The following NTNG1 variants were observed in gnomAD, a reference collection of about 807,000 sequenced individuals.
The protein encoded by NTNG1 is netrin G1.
Under a neutral mutation model 54.0 loss-of-function variants are expected in NTNG1, and 16 were observed. That is an observed-to-expected ratio of 0.30 (90% CI 0.20 to 0.45). The LOEUF is 0.45. Among genes scored for constraint, NTNG1 ranks in the 20% least tolerant of loss-of-function variants. The probability of loss-of-function intolerance (pLI) is 1.00; values close to 1 mark genes in which losing one functional copy is unlikely to be tolerated. For missense variants in NTNG1, 530 were observed against 678.7 expected, an observed-to-expected ratio of 0.78 and a Z score of 2.43; for synonymous variants, 255 against 263.1, an observed-to-expected ratio of 0.97 and a Z score of 0.30.
rs541877095 is a variant in NTNG1, at chr1:107,155,329, A to G, written c.246+6490A>G. Among the ~76,000 whole-genome samples, 3 of 151,940 alleles carry G rather than the reference A, an allele frequency of 2.0e-5. No homozygotes were observed. In the South Asian group the frequency reaches 6.3e-4, roughly 32 times the overall value. ...TTTGGCATAGTCCGTGCTCTTCTCC[A>G]CTTACTCTGATGCCACCTATCTTTC... is the stretch of plus-strand genomic sequence containing the variant. On this transcript the variant is annotated intron_variant, in intron 2 of 7. Coordinates refer to ENST00000370068, the MANE Select transcript of NTNG1 (RefSeq NM_001113226.3).
At chr1:107,385,865 G>A (rs937558589) in intron 3 of NTNG1, among the ~76,000 whole-genome samples, 1 of 150,074 alleles carries the variant, frequency 6.7e-6, no homozygotes, top group Admixed American at 6.7e-5. Context: ...CAATTCAGTG[G>A]TTTTTAGTAT....
intron 2 of NTNG1, among the ~76,000 whole-genome samples, chr1:107,290,695 T>C (rs1210626388): frequency 6.6e-6 from 1 of 151,854 alleles, no homozygotes; most frequent in Non-Finnish European, 1.5e-5. Flanking sequence ...TTTGAGGTGA[T>C]TAAGTAGCTA....
intron 3 of NTNG1, among the ~76,000 whole-genome samples, chr1:107,368,967 G>A (rs952465707): frequency 1.3e-5 from 2 of 152,084 alleles, no homozygotes. Context: ...AAGTTTCTTC[G>A]TGCCCCAGAT....
chr1:107,418,431 G>T, intron 5 of NTNG1: 1 of 520,704 alleles, frequency 1.9e-6, no homozygotes, highest in Non-Finnish European at 3.4e-6. Flanking sequence ...GCTCTTGTTT[G>T]ATGTGGGAGT....
In NTNG1 at chr1:107,483,890, G is replaced by A. The variant is rs910931236; in HGVS notation, c.*3050G>A. ...TAATGGACATGCCCTGCTGTGATTT[G>A]AGGGTTATTTATTTCTGACCCTGTA... is the stretch of plus-strand genomic sequence containing the variant. On this transcript the variant is annotated 3_prime_UTR_variant, in exon 8 of 8. Transcript: ENST00000370068. 5.9e-5 allele frequency among the ~76,000 whole-genome samples: 9 copies of A among 152,156 alleles called. No individual in the cohort carries two copies. Among genetic ancestry groups the A allele is most frequent in the African/African-American group, 2.2e-4 (9 of 41,432 alleles).
chr1:107,430,990 C>G (rs1675225726), intron 6 of NTNG1, 73 bp downstream of exon 6: 2 of 1,446,806 alleles, frequency 1.4e-6, no homozygotes, highest in East Asian at 2.3e-5. Flanking sequence ...GGTGGAGAGG[C>G]TGGCGATTTG....
chr1:107,242,372 T>C (rs906072543), intron 2 of NTNG1, among the ~76,000 whole-genome samples: 4 of 152,168 alleles, frequency 2.6e-5, no homozygotes, highest in Non-Finnish European at 5.9e-5. Flanking sequence ...TCTTTCTATA[T>C]ATGCATATAT....
Position 107,215,832 on chromosome 1 carries a change from T to C in NTNG1, c.246+66993T>C, listed in dbSNP as rs540195109. Among the ~76,000 whole-genome samples, 9 of 131,724 alleles carry C rather than the reference T, an allele frequency of 6.8e-5. No homozygotes were observed. In the East Asian group the frequency reaches 1.7e-3, roughly 24 times the overall value. The allele number at this position is 131,724 out of a possible 152,430, so 86.4% of individuals were successfully genotyped here. ...ATTTCTTTCAGCAGGGTTTTGTAGG[T>C]TTTTTTTTTGTAGAGGTCTTTTTAC... is the stretch of plus-strand genomic sequence containing the variant. On this transcript the variant is annotated intron_variant, in intron 2 of 7. Coordinates refer to ENST00000370068, the MANE Select transcript of NTNG1 (RefSeq NM_001113226.3).
chr1:107,284,936 T>C (rs1246532493), intron 2 of NTNG1, among the ~76,000 whole-genome samples: 1 of 151,966 alleles, frequency 6.6e-6, no homozygotes, highest in East Asian at 1.9e-4. Flanking sequence ...CAGGGAGGAG[T>C]ACAGGATTCT....
rs368487507 is a variant in NTNG1, at chr1:107,148,849, C to A, written c.246+10C>A. On this transcript the variant is annotated intron_variant, in intron 2 of 7. Coordinates refer to ENST00000370068, the MANE Select transcript of NTNG1 (RefSeq NM_001113226.3). ...GACGTTCTGTGCAATGGTGAGGTAA[C>A]CCTTTTGCATAAAATATTTCATATA... The A allele has an allele frequency of 6.2e-7, 1 of 1,611,088 alleles. No homozygotes were observed. Among genetic ancestry groups the A allele is most frequent in the Non-Finnish European group, 8.5e-7 (1 of 1,177,874 alleles).
At chr1:107,362,055 C>G (rs1670334246) in intron 3 of NTNG1, among the ~76,000 whole-genome samples, 1 of 152,098 alleles carries the variant, frequency 6.6e-6, no homozygotes, top group South Asian at 2.1e-4. Flanking sequence ...ATCCAGCACT[C>G]CCTCGTCTCA....
At position 107,480,701 on chromosome 1, in the gene NTNG1, G is replaced by A; in HGVS notation, c.1481G>A (p.Gly494Asp). ...TGCCTGTGCCCGGCCGCATACACGG[G>A]CATCCTCTGCGAGAAGCTGCGGTGC... ...VRCLCPAAYT[G>D]ILCEKLRCEE... Residue 494 changes from glycine (G) to aspartate (D), a missense_variant, in exon 8 of 8, where the codon GGC (glycine) becomes GAC (aspartate). Gly to Asp is a moderately conservative substitution (Grantham distance 94). Transcript: ENST00000370068. 1 of 1,611,304 alleles carries A rather than the reference G, an allele frequency of 6.2e-7. No homozygotes were observed.
intron 5 of NTNG1, among the ~76,000 whole-genome samples, chr1:107,426,788 A>G (rs1674934801): frequency 6.6e-6 from 1 of 152,046 alleles, no homozygotes; most frequent in African/African-American, 2.4e-5. Context: ...TGATTTTAAC[A>G]ATATTAATTC....
chr1:107,334,489 T>C (rs1668465257), intron 3 of NTNG1, among the ~76,000 whole-genome samples: 1 of 151,130 alleles, frequency 6.6e-6, no homozygotes, highest in Non-Finnish European at 1.5e-5. Context: ...GTGGGGGAAG[T>C]CTAAGAGGTC....
At chr1:107,427,738 A>T (rs948672389) in intron 5 of NTNG1, among the ~76,000 whole-genome samples, 2 of 152,126 alleles carry the variant, frequency 1.3e-5, no homozygotes, top group African/African-American at 4.8e-5. Context: ...TTTAATGCTG[A>T]TAAAACATTT....
At chr1:107,280,750 T>TGG (rs1305441012) in intron 2 of NTNG1, among the ~76,000 whole-genome samples, 227 of 152,172 alleles carry the variant, frequency 1.5e-3, no homozygotes, top group African/African-American at 5.3e-3. Context: ...GCTGCAAGCC[T>TGG]CAGGACCACA....
chr1:107,424,463 C>T (rs987567072), intron 5 of NTNG1, among the ~76,000 whole-genome samples: 1 of 152,096 alleles, frequency 6.6e-6, no homozygotes, highest in African/African-American at 2.4e-5. Flanking sequence ...ATGTCATGAC[C>T]TCACTAAAGT....
intron 2 of NTNG1, among the ~76,000 whole-genome samples, chr1:107,200,952 C>G (rs1658710529): frequency 6.6e-6 from 1 of 151,748 alleles, no homozygotes; most frequent in African/African-American, 2.4e-5. Context: ...GTGTTTGCTT[C>G]TTATACTGAA....
intron 7 of NTNG1, among the ~76,000 whole-genome samples, chr1:107,454,401 A>T (rs1217771791): frequency 6.6e-6 from 1 of 152,204 alleles, no homozygotes; most frequent in Non-Finnish European, 1.5e-5. Flanking sequence ...TTGCATGCAG[A>T]GGAGAGACCC....
Sources: allele counts gnomAD v4.1 joint callset (sites outside exome capture counted in the v4.1 genomes callset), GRCh38; gene constraint gnomAD v4.1.1; transcripts MANE v1.5; gene names NCBI Gene and HGNC (gene_info 2026-07-23, HGNC 2026-07-21).